The following EFCAB13 variants were observed in gnomAD, a reference collection of about 807,000 sequenced individuals.
The protein encoded by EFCAB13 is EF-hand calcium binding domain 13, also known as EF-hand calcium-binding domain-containing protein 13.
In EFCAB13, 91 loss-of-function variants were observed where a neutral mutation model predicts 110.2. The ratio of observed to expected loss-of-function variants is 0.83; its 90% CI spans 0.70 to 0.98. The LOEUF (loss-of-function observed/expected upper bound fraction) is 0.98. Ranked by LOEUF, EFCAB13 falls within the 50% of genes least tolerant of loss-of-function variation. The pLI is 0.00. For missense variants in EFCAB13, 968 were observed against 1,119.4 expected, an observed-to-expected ratio of 0.86 and a Z score of 1.93; for synonymous variants, 323 against 369.9, an observed-to-expected ratio of 0.87 and a Z score of 1.45.
At chr17:47,339,937 G>C (rs2065374408) in intron 5 of EFCAB13, 1 of 152,026 alleles carries the variant, frequency 6.6e-6, no homozygotes, top group African/African-American at 2.4e-5. Context: ...CGGAGATAAG[G>C]AAACTATTAA....
intron 21 of EFCAB13, among the ~76,000 whole-genome samples, chr17:47,410,497 A>AAAT (rs1440366447): frequency 1.3e-5 from 2 of 152,202 alleles, no homozygotes; most frequent in Non-Finnish European, 2.9e-5. Flanking sequence ...TTCATGTACA[A>AAAT]AATACATTCA....
intron 8 of EFCAB13, among the ~76,000 whole-genome samples, 159 bp downstream of exon 8, chr17:47,345,257 A>G (rs138023242): frequency 1.0e-3 from 153 of 152,266 alleles, no homozygotes; most frequent in Middle Eastern, 3.4e-3. Flanking sequence ...AGGAAGCAAA[A>G]GTAGATAGTT....
rs2065792369 is a variant in EFCAB13 at position 47,404,039 on chromosome 17, T to C, written c.2161+18T>C. The C allele has an allele frequency of 6.4e-7, 1 of 1,567,258 alleles. No homozygotes were observed. The highest frequency in any genetic ancestry group is 8.6e-7 in the Non-Finnish European group (1 of 1,160,036). ...TGTTTCTGGTAAGCATTTTAAATAT[T>C]ACTCTCAGGTTTTTTTTTTGTAGGA... is the stretch of plus-strand genomic sequence containing the variant. On this transcript the variant is annotated intron_variant, in intron 19 of 24. Transcript: ENST00000331493.
intron 14 of EFCAB13, among the ~76,000 whole-genome samples, chr17:47,379,842 AT>A (rs2065637068): frequency 6.6e-6 from 1 of 152,326 alleles, no homozygotes; most frequent in African/African-American, 2.4e-5. Context: ...CTGTTTATAC[AT>A]ATGCTAAAAA....
Position 47,409,690 on chromosome 17 carries a change from C to A in EFCAB13, c.2277C>A (p.Asn759Lys). Residue 759 changes from asparagine to lysine, a missense_variant and splice_region_variant, in exon 21 of 25, where the codon AAC (asparagine) becomes AAA (lysine). By Grantham distance (94) the Asn-to-Lys change is moderately conservative (BLOSUM62 0). Transcript: ENST00000331493. ...EASNLKLPKV[N>K]EIKEAANILS... ...CAAATCTAAAATTACCAAAGGTAAA[C>A]GGTGAGTAAGAACTTTGTATATGAG... 1 of 1,607,452 alleles carries A rather than the reference C, an allele frequency of 6.2e-7. No individual in the cohort carries two copies. Among genetic ancestry groups the A allele is most frequent in the Non-Finnish European group, 8.5e-7 (1 of 1,174,354 alleles).
chr17:47,337,282 G>A (rs904999394), intron 5 of EFCAB13, among the ~76,000 whole-genome samples: 1 of 152,216 alleles, frequency 6.6e-6, no homozygotes, highest in African/African-American at 2.4e-5. Flanking sequence ...ATGGGGTACA[G>A]TGCATGTTTT....
chr17:47,435,989 C>G (rs1023208694), intron 24 of EFCAB13, among the ~76,000 whole-genome samples: 1 of 152,086 alleles, frequency 6.6e-6, no homozygotes, highest in Non-Finnish European at 1.5e-5. Flanking sequence ...GGGTTTTAAT[C>G]ATAAAGAGAT....
At chr17:47,419,586 A>G (rs542999430) in intron 23 of EFCAB13, among the ~76,000 whole-genome samples, 79 of 152,290 alleles carry the variant, frequency 5.2e-4, no homozygotes, top group Non-Finnish European at 9.7e-4. Context: ...TCTAAATAAT[A>G]ATGATGATAA....
chr17:47,367,362 T>A (rs930704751), intron 10 of EFCAB13, among the ~76,000 whole-genome samples: 1 of 152,206 alleles, frequency 6.6e-6, no homozygotes, highest in Non-Finnish European at 1.5e-5. Context: ...TATTCTTTAA[T>A]TTACATATTT....
chr17:47,412,646 G>A, intron 21 of EFCAB13, 127 bp from the exon 22 acceptor site: 1 of 951,390 alleles, frequency 1.1e-6, no homozygotes, highest in Non-Finnish European at 1.5e-6. Flanking sequence ...AGAAAATATT[G>A]TGTTTCCTTT....
chr17:47,356,364 A>G (rs1361550738), intron 9 of EFCAB13, among the ~76,000 whole-genome samples: 3 of 152,206 alleles, frequency 2.0e-5, no homozygotes, highest in Non-Finnish European at 4.4e-5. Flanking sequence ...TGCTGTTCAG[A>G]TTCTTTTGTT....
Position 47,351,304 on chromosome 17 carries a change from TGCGCGCGCGCGC to T in EFCAB13, c.661+3366_661+3377del, listed in dbSNP as rs71141904. Among the ~76,000 whole-genome samples, 329 of 123,086 alleles carry T rather than the reference TGCGCGCGCGCGC, an allele frequency of 2.7e-3. 3 individuals are homozygous for T. Among genetic ancestry groups the T allele is most frequent in the African/African-American group, 7.2e-3 (273 of 38,160 alleles). 80.7% of individuals were successfully genotyped at this position (123,086 alleles called of 152,430 possible). On this transcript the variant is annotated intron_variant, in intron 9 of 24. Coordinates refer to ENST00000331493, the MANE Select transcript of EFCAB13 (RefSeq NM_152347.5). ...CTGTGTGTGTGTGTGTGTGTGTGTG[TGCGCGCGCGCGC>T]GCGCGCGCGCGCCACGTTTTCTTTA...
rs1905306727 is a variant in EFCAB13, at chr17:47,440,802, T to C, written c.*88T>C. On this transcript the variant is annotated 3_prime_UTR_variant, in exon 25 of 25. Transcript: ENST00000331493. ...ACTTCTGAAATTATTAGAAAATAAT[T>C]TTTAAAACTTTTGACAAATCCAGTA... 8.6e-7 allele frequency: 1 copy of C among 1,158,086 alleles called. No homozygotes were observed. Among genetic ancestry groups the C allele is most frequent in the Non-Finnish European group, 1.2e-6 (1 of 855,292 alleles). 71.7% of individuals were successfully genotyped at this position (1,158,086 alleles called of 1,614,324 possible). A position where few individuals can be genotyped will look rare whatever the true frequency, so the allele number is the denominator to read the frequency against.
chr17:47,334,813 G>A (rs371987532), intron 4 of EFCAB13, among the ~76,000 whole-genome samples: 3 of 152,250 alleles, frequency 2.0e-5, no homozygotes, highest in Non-Finnish European at 4.4e-5. Flanking sequence ...TTCTCAGGAG[G>A]CTGAGGTGGG....
At chr17:47,391,926 T>C (rs1007689756) in intron 15 of EFCAB13, among the ~76,000 whole-genome samples, 6 of 152,136 alleles carry the variant, frequency 3.9e-5, no homozygotes, top group African/African-American at 1.4e-4. Flanking sequence ...AGGCATTAAA[T>C]TGGGGCAAAT....
intron 9 of EFCAB13, among the ~76,000 whole-genome samples, chr17:47,349,765 T>C (rs932353132): frequency 2.5e-4 from 28 of 112,306 alleles, no homozygotes; most frequent in African/African-American, 8.3e-4. Context: ...GTTTCTTTTT[T>C]TTTTTTTTTT....
At chr17:47,342,091 C>A in intron 6 of EFCAB13, 59 bp downstream of exon 6, 1 of 981,198 alleles carries the variant, frequency 1.0e-6, no homozygotes, top group Non-Finnish European at 1.5e-6. Context: ...AGCCCTCAAA[C>A]ATTCCCTTAA....
At chr17:47,391,665 A>C in intron 15 of EFCAB13, 85 bp downstream of exon 15, 1 of 1,221,882 alleles carries the variant, frequency 8.2e-7, no homozygotes, top group Non-Finnish European at 1.1e-6. Flanking sequence ...AAAATGACTA[A>C]TTTTTTTATT....
chr17:47,397,293 C>T (rs1256405927), intron 17 of EFCAB13, among the ~76,000 whole-genome samples: 2 of 152,196 alleles, frequency 1.3e-5, no homozygotes, highest in African/African-American at 2.4e-5. Context: ...GGATTGCAGA[C>T]GGAGTCTGGT....
Sources: gnomAD v4.1 joint callset for allele counts (sites outside exome capture counted in the v4.1 genomes callset) on GRCh38, gnomAD v4.1.1 for gene constraint, MANE v1.5 for transcripts, NCBI Gene and HGNC (gene_info 2026-07-23, HGNC 2026-07-21) for gene names.